Variants in ACTR10 observed in about 807,000 individuals in gnomAD.
ACTR10 encodes the protein actin related protein 10, also known as actin-related protein 10.
ACTR10 carries 43 observed loss-of-function variants against 56.2 expected under a neutral mutation model. That is an observed-to-expected ratio of 0.77 (90% confidence interval 0.60 to 0.99). The LOEUF (loss-of-function observed/expected upper bound fraction) is 0.99. Ranked by LOEUF, ACTR10 falls within the 50% of genes least tolerant of loss-of-function variation. The pLI, the probability that ACTR10 is intolerant of heterozygous loss-of-function variation, is 0.00. For synonymous variants in ACTR10, 170 were observed against 176.3 expected (o/e 0.96, Z 0.28); for missense variants, 466 against 507.8 (o/e 0.92, Z 0.79).
chr14:58,225,684 C>T (rs1987695718), intron 10 of ACTR10, among the ~76,000 whole-genome samples: 1 of 151,128 alleles, frequency 6.6e-6, no homozygotes, highest in African/African-American at 2.4e-5. Flanking sequence ...TAAAGAAATA[C>T]AGAGGCCAGG....
rs781361879 is a variant in ACTR10 at position 58,213,623 on chromosome 14, C to T, written c.451-8C>T. 7 of 1,601,062 alleles carry T rather than the reference C, an allele frequency of 4.4e-6. No individual in the cohort carries two copies. The South Asian group carries it at 5.5e-5, about 13-fold the overall frequency. On this transcript the variant is annotated splice_polypyrimidine_tract_variant and splice_region_variant and intron_variant, in intron 5 of 12. Transcript: ENST00000254286. ...CCTAAAATAGTAGTATCCTTGACTA[C>T]TCTATAGATATATGAAGGAATCCCA...
intron 10 of ACTR10, among the ~76,000 whole-genome samples, chr14:58,225,280 T>A (rs1238285029): frequency 6.6e-6 from 1 of 152,222 alleles, no homozygotes; most frequent in Non-Finnish European, 1.5e-5. Flanking sequence ...CTATTCTGTC[T>A]GATGATCCAA....
At chr14:58,215,622 C>T (rs1030170627) in intron 7 of ACTR10, among the ~76,000 whole-genome samples, 1 of 151,930 alleles carries the variant, frequency 6.6e-6, no homozygotes, top group Non-Finnish European at 1.5e-5. Context: ...TACTTGTATT[C>T]GACTAGGGAT....
At chr14:58,213,503 A>G (rs559853588) in intron 5 of ACTR10, 128 bp from the exon 6 acceptor site, 30 of 498,896 alleles carry the variant, frequency 6.0e-5, no homozygotes, top group Admixed American at 3.2e-4. Flanking sequence ...TTCTGTAACT[A>G]TGTTAAAAAT....
intron 12 of ACTR10, among the ~76,000 whole-genome samples, 193 bp from the exon 13 acceptor site, chr14:58,234,177 A>C (rs1226867717): frequency 6.6e-6 from 1 of 152,212 alleles, no homozygotes; most frequent in African/African-American, 2.4e-5. Context: ...TTTAACATGG[A>C]GTTATGGCTT....
chr14:58,228,131 T>A (rs1889442708), intron 10 of ACTR10, among the ~76,000 whole-genome samples: 1 of 152,072 alleles, frequency 6.6e-6, no homozygotes, highest in Non-Finnish European at 1.5e-5. Context: ...GAAAAGAAGT[T>A]CAGAGGTAGA....
chr14:58,204,197 C>G (rs1206920475), intron 2 of ACTR10, among the ~76,000 whole-genome samples: 2 of 148,308 alleles, frequency 1.3e-5, no homozygotes, highest in Admixed American at 6.8e-5. Context: ...CTGGCTAACA[C>G]AGTGAAAACC....
intron 10 of ACTR10, among the ~76,000 whole-genome samples, chr14:58,228,547 G>A (rs1023611938): frequency 6.6e-6 from 1 of 151,902 alleles, no homozygotes; most frequent in Non-Finnish European, 1.5e-5. Context: ...GCTTGAACCT[G>A]GGAGGCTGAT....
rs150390327 is a variant in ACTR10, at chr14:58,234,473, C to G, written c.1176C>G (p.Asn392Lys). ...TACCTGATTGGTGTTCTCTCAATAA[C>G]CCACCTTTGGAAATGATGTTTGATG... Reference protein sequence around the residue: ...GRIPDWCSLNNPPLEMMFDVG... With the variant: ...GRIPDWCSLNKPPLEMMFDVG... Residue 392 changes from asparagine to lysine, a missense_variant, in exon 13 of 13, where the codon AAC (asparagine) becomes AAG (lysine). Asn to Lys is a moderately conservative substitution (Grantham distance 94, BLOSUM62 0). Transcript: ENST00000254286. 5.0e-6 allele frequency: 8 copies of G among 1,613,360 alleles called. No homozygotes were observed. The African/African-American group carries it at 6.7e-5, about 13-fold the overall frequency.
At chr14:58,211,263 T>G in intron 4 of ACTR10, 29 bp from the exon 5 acceptor site, 1 of 1,504,630 alleles carries the variant, frequency 6.6e-7, no homozygotes, top group Non-Finnish European at 9.2e-7. Context: ...TCATTCCGGT[T>G]TTGTTGTATT....
intron 2 of ACTR10, among the ~76,000 whole-genome samples, chr14:58,203,440 C>G (rs1356407441): frequency 6.6e-6 from 1 of 151,746 alleles, no homozygotes; most frequent in Admixed American, 6.6e-5. Context: ...TCATGTTGTA[C>G]AAGTACCACC....
At chr14:58,231,878 G>A (rs1889543694) in intron 11 of ACTR10, among the ~76,000 whole-genome samples, 188 bp from the exon 12 acceptor site, 1 of 151,910 alleles carries the variant, frequency 6.6e-6, no homozygotes, top group African/African-American at 2.4e-5. Flanking sequence ...TGTTTATGGT[G>A]GTTATATTTG....
intron 7 of ACTR10, among the ~76,000 whole-genome samples, chr14:58,218,631 A>T (rs1889191848): frequency 6.6e-6 from 1 of 152,094 alleles, no homozygotes; most frequent in South Asian, 2.1e-4. Context: ...AAGTTTACCT[A>T]ATTTTAATGG....
chr14:58,229,862 C>T (rs1434434813), intron 10 of ACTR10, among the ~76,000 whole-genome samples: 1 of 151,698 alleles, frequency 6.6e-6, no homozygotes, highest in Non-Finnish European at 1.5e-5. Flanking sequence ...TCTTTCATCA[C>T]CACAGAGATC....
chr14:58,225,678 G>T (rs1203306163), intron 10 of ACTR10, among the ~76,000 whole-genome samples: 1 of 151,014 alleles, frequency 6.6e-6, no homozygotes, highest in Non-Finnish European at 1.5e-5. Context: ...ACTACTTAAA[G>T]AAATACAGAG....
At position 58,207,428 on chromosome 14, in the gene ACTR10, G is replaced by A. The variant is rs1888894296; in HGVS notation, c.151-508G>A. On this transcript the variant is annotated intron_variant, in intron 2 of 12. Transcript: ENST00000254286. Reference sequence around the variant, plus strand: ...GCAGCCTCCTCCAGGGTTTTCAAGTGATTCTCCTGCCTCAGTCTCCAGAGT... The same window carrying A: ...GCAGCCTCCTCCAGGGTTTTCAAGTAATTCTCCTGCCTCAGTCTCCAGAGT... Among the ~76,000 whole-genome samples, 3 of 150,760 alleles carry A rather than the reference G, an allele frequency of 2.0e-5. No homozygotes were observed. The South Asian group carries it at 6.3e-4, about 32-fold the overall frequency.
At chr14:58,221,294 A>T (rs187638391) in intron 8 of ACTR10, among the ~76,000 whole-genome samples, 6,385 of 148,296 alleles carry the variant, frequency 0.043, 479 homozygotes, top group African/African-American at 0.15. Context: ...AAAAAAAAAA[A>T]AAAAAAAAAT....
At chr14:58,205,968 G>A (rs571559690) in intron 2 of ACTR10, among the ~76,000 whole-genome samples, 140 of 152,140 alleles carry the variant, frequency 9.2e-4, no homozygotes, top group African/African-American at 3.3e-3. Flanking sequence ...GTGGCAGTGA[G>A]CTGAGATCAT....
intron 5 of ACTR10, chr14:58,213,200 C>G (rs1889044403): frequency 6.5e-6 from 1 of 152,822 alleles, no homozygotes. Flanking sequence ...TTTTATTTAA[C>G]CCAATGTATT....
Sources: allele counts gnomAD v4.1 joint callset (sites outside exome capture counted in the v4.1 genomes callset), GRCh38; gene constraint gnomAD v4.1.1; transcripts MANE v1.5; gene names NCBI Gene and HGNC (gene_info 2026-07-23, HGNC 2026-07-21).